MAP2: variants seen among roughly 807,000 people sequenced by gnomAD.
The protein encoded by MAP2 is microtubule-associated protein 2.
Under a neutral mutation model 137.6 loss-of-function variants are expected in MAP2, and 14 were observed. That is an observed-to-expected ratio of 0.10 (90% CI 0.07 to 0.16). MAP2 has a LOEUF of 0.16. MAP2 is among the 10% of genes least tolerant of loss of function. The pLI, the probability that MAP2 is intolerant of heterozygous loss-of-function variation, is 1.00. For synonymous variants in MAP2, 786 were observed against 782.3 expected (o/e 1.00, Z -0.08); for missense variants, 2,088 against 2,191.5 (o/e 0.95, Z 0.94).
chr2:209,434,716 G>T (rs1434845294), intron 1 of MAP2, among the ~76,000 whole-genome samples: 1 of 150,266 alleles, frequency 6.7e-6, no homozygotes, highest in African/African-American at 2.4e-5. Flanking sequence ...TAGCTATTCA[G>T]GAGACTGAAG....
At chr2:209,561,290 A>G (rs2072008653) in intron 2 of MAP2, among the ~76,000 whole-genome samples, 1 of 152,220 alleles carries the variant, frequency 6.6e-6, no homozygotes, top group South Asian at 2.1e-4. Context: ...TGAACTTGGC[A>G]AAGAAGGTGA....
chr2:209,540,662 A>AAAAAAAAAAAAAAAAAAAAAAC (rs2066850163), intron 2 of MAP2, among the ~76,000 whole-genome samples: 1 of 142,236 alleles, frequency 7.0e-6, no homozygotes, highest in Non-Finnish European at 1.5e-5. Flanking sequence ...AAAAAAAAAA[A>AAAAAAAAAAAAAAAAAAAAAAC]GAAGAAAAGA....
At chr2:209,611,463 T>A (rs1048730165) in intron 3 of MAP2, among the ~76,000 whole-genome samples, 2 of 151,806 alleles carry the variant, frequency 1.3e-5, no homozygotes, top group East Asian at 1.9e-4. Flanking sequence ...TAATGCACAC[T>A]GAAAAAATAT....
intron 14 of MAP2, among the ~76,000 whole-genome samples, chr2:209,729,474 GA>G (rs2075310947): frequency 1.3e-5 from 2 of 152,022 alleles, no homozygotes; most frequent in African/African-American, 4.8e-5. Context: ...TGGTCCCTTA[GA>G]AATAAGAGAC....
intron 1 of MAP2, among the ~76,000 whole-genome samples, chr2:209,459,822 T>C (rs1055191286): frequency 3.3e-5 from 5 of 152,176 alleles, no homozygotes; most frequent in Non-Finnish European, 7.3e-5. Flanking sequence ...GTGCTGGATG[T>C]CCTGTAGGTC....
Position 209,550,318 on chromosome 2 carries a change from T to C in MAP2, c.-171-29718T>C, listed in dbSNP as rs544388902. Among the ~76,000 whole-genome samples, 206 of 152,306 alleles carry C rather than the reference T, an allele frequency of 1.4e-3. 1 individual carries two copies. The highest frequency in any genetic ancestry group is 4.6e-3 in the African/African-American group (192 of 41,584). On this transcript the variant is annotated intron_variant, in intron 2 of 15. Coordinates refer to ENST00000682079, the MANE Select transcript of MAP2 (RefSeq NM_001375505.1). ...AATATGCAGTGAATCTATATACTTA[T>C]GATTATAGAAATAAAGTATATGTAG...
intron 1 of MAP2, among the ~76,000 whole-genome samples, chr2:209,501,136 A>G (rs1017327300): frequency 6.6e-6 from 1 of 152,024 alleles, no homozygotes; most frequent in African/African-American, 2.4e-5. Flanking sequence ...TAACTGCAGT[A>G]TTCCCAACAT....
chr2:209,636,971 C>T (rs1361697643), intron 4 of MAP2, among the ~76,000 whole-genome samples: 2 of 152,106 alleles, frequency 1.3e-5, no homozygotes, highest in Admixed American at 1.3e-4. Flanking sequence ...GACTTCCCAG[C>T]TTGTATAGGA....
At chr2:209,567,540 C>A (rs1268687517) in intron 2 of MAP2, among the ~76,000 whole-genome samples, 1 of 151,902 alleles carries the variant, frequency 6.6e-6, no homozygotes, top group African/African-American at 2.4e-5. Flanking sequence ...CAGATTCTTA[C>A]AATAGCTATT....
rs777224477 is a variant in MAP2 at position 209,695,438 on chromosome 2, G to A, written c.3268G>A (p.Ala1090Thr). The A allele has an allele frequency of 6.2e-7, 1 of 1,613,770 alleles. No homozygotes were observed. Among genetic ancestry groups the A allele is most frequent in the South Asian group, 1.1e-5 (1 of 90,972 alleles). Residue 1090 changes from alanine to threonine, a missense_variant, in exon 8 of 16, where the codon GCA becomes ACA. By Grantham distance (58) the Ala-to-Thr change is moderately conservative (BLOSUM62 0). Around this residue, in one of 6 missense-constraint regions of MAP2, gnomAD observed 500 missense variants for 482.9 expected, o/e 1.04. Transcript: ENST00000682079. ...ATCCAAAGCACCGCAGGAGGCAGAT[G>A]CATTTATGGGTGTTGAGTCTGGCCA... ...PSSKAPQEADAFMGVESGHMK... is the reference protein window; with the variant it reads ...PSSKAPQEADTFMGVESGHMK...
intron 1 of MAP2, among the ~76,000 whole-genome samples, chr2:209,468,465 C>T (rs562337126): frequency 4.0e-5 from 6 of 151,640 alleles, no homozygotes; most frequent in South Asian, 2.1e-4. Flanking sequence ...GGACTACAGG[C>T]GCCCACCACC....
chr2:209,697,619 T>C (rs2060558216), intron 10 of MAP2, among the ~76,000 whole-genome samples: 1 of 152,218 alleles, frequency 6.6e-6, no homozygotes, highest in African/African-American at 2.4e-5. Flanking sequence ...CAAAATTTTC[T>C]GGTAATTATA....
chr2:209,508,157 A>T (rs962778527), intron 2 of MAP2, among the ~76,000 whole-genome samples: 1 of 151,720 alleles, frequency 6.6e-6, no homozygotes, highest in African/African-American at 2.4e-5. Flanking sequence ...ATTGGCCTTA[A>T]TTGAGACTCG....
intron 2 of MAP2, among the ~76,000 whole-genome samples, chr2:209,556,472 T>G (rs1191360122): frequency 6.6e-6 from 1 of 152,188 alleles, no homozygotes; most frequent in Non-Finnish European, 1.5e-5. Flanking sequence ...AGGATCTGCA[T>G]CCTAAATCTG....
intron 2 of MAP2, among the ~76,000 whole-genome samples, chr2:209,542,383 C>T (rs1036032911): frequency 5.9e-5 from 9 of 152,158 alleles, no homozygotes; most frequent in Admixed American, 2.6e-4. Context: ...ATCATTCTTA[C>T]GGGCCCTAGG....
In MAP2 at chr2:209,694,143, G is replaced by A; in HGVS notation, c.1973G>A (p.Arg658Lys). 1.9e-6 allele frequency: 3 copies of A among 1,614,090 alleles called. No homozygotes were observed. The highest frequency in any genetic ancestry group is 2.5e-6 in the Non-Finnish European group (3 of 1,180,002). Residue 658 changes from arginine to lysine, a missense_variant, in exon 8 of 16, where the codon AGA (arginine) becomes AAA (lysine). This residue lies in a region of MAP2 where 859 missense variants were observed against 794.5 expected (regional missense o/e 1.08). Transcript: ENST00000682079. ...LPEEPSSPQE[R>K]MFTIDPKVYG... ...GAAGAACCCAGTTCTCCTCAAGAAA[G>A]AATGTTCACTATTGATCCAAAAGTG...
intron 2 of MAP2, among the ~76,000 whole-genome samples, chr2:209,575,141 A>T (rs1418306080): frequency 1.3e-5 from 2 of 152,226 alleles, no homozygotes; most frequent in African/African-American, 4.8e-5. Context: ...TACTTTGCAG[A>T]ATTCAAAGAG....
At position 209,693,568 on chromosome 2, in the gene MAP2, A is replaced by T. The variant is rs377651062; in HGVS notation, c.1398A>T (p.Ala466=). The T allele has an allele frequency of 3.7e-6, 6 of 1,612,922 alleles. No homozygotes were observed. In the African/African-American group the frequency reaches 8.0e-5, roughly 22 times the overall value. The change falls in exon 8 of 16, where the codon GCA becomes GCT. Residue 466 remains alanine (A), a synonymous_variant. Transcript: ENST00000682079. The stretch of plus-strand genomic sequence containing the variant: ...AAGAGAGTAAACCCCCAAAACCTGC[A>T]GATGAAGAAATAGGCATAATTCAGA... ...VPKESKPPKP[A]DEEIGIIQTS...
At chr2:209,509,355 G>T (rs539170194) in intron 2 of MAP2, among the ~76,000 whole-genome samples, 1 of 152,002 alleles carries the variant, frequency 6.6e-6, no homozygotes, top group Non-Finnish European at 1.5e-5. Context: ...TGGTCAAGAT[G>T]ACTTGCCTAT....
Sources: allele counts gnomAD v4.1 joint callset (sites outside exome capture counted in the v4.1 genomes callset), GRCh38; gene constraint gnomAD v4.1.1; regional missense constraint gnomAD v4.1.1; transcripts MANE v1.5; gene names NCBI Gene and HGNC (gene_info 2026-07-23, HGNC 2026-07-21).